The following GOLPH3 variants were observed in gnomAD, a reference collection of about 807,000 sequenced individuals.
GOLPH3 encodes golgi phosphoprotein 3.
In GOLPH3, 14 loss-of-function variants were observed where a neutral mutation model predicts 28.5. That is an observed-to-expected ratio of 0.49 (90% CI 0.32 to 0.77). GOLPH3 has a LOEUF of 0.77. Among genes scored for constraint, GOLPH3 ranks in the 30% least tolerant of loss-of-function variants. GOLPH3 has a pLI of 0.03. For synonymous variants in GOLPH3, 158 were observed against 159.2 expected (o/e 0.99, Z 0.06); for missense variants, 350 against 393.7 (o/e 0.89, Z 0.94).
At chr5:32,143,299 G>A (rs1013183437) in intron 2 of GOLPH3, among the ~76,000 whole-genome samples, 2 of 151,126 alleles carry the variant, frequency 1.3e-5, no homozygotes, top group Admixed American at 6.6e-5. Context: ...AAGTACCCAG[G>A]GACACAAACA....
intron 1 of GOLPH3, among the ~76,000 whole-genome samples, chr5:32,151,810 G>C (rs1358856974): frequency 6.6e-6 from 1 of 152,160 alleles, no homozygotes; most frequent in Non-Finnish European, 1.5e-5. Context: ...CTGATACATA[G>C]CTACAAAACA....
intron 1 of GOLPH3, among the ~76,000 whole-genome samples, chr5:32,173,110 G>T (rs1404529113): frequency 6.6e-6 from 1 of 151,932 alleles, no homozygotes; most frequent in Non-Finnish European, 1.5e-5. Context: ...TCAAGCACTC[G>T]ATGAAAAAGC....
At chr5:32,156,413 G>A (rs1746427613) in intron 1 of GOLPH3, among the ~76,000 whole-genome samples, 1 of 151,832 alleles carries the variant, frequency 6.6e-6, no homozygotes. Flanking sequence ...TGAGGCAAGA[G>A]AATCACTTGA....
intron 3 of GOLPH3, among the ~76,000 whole-genome samples, chr5:32,134,101 T>C (rs1287888769): frequency 6.6e-6 from 1 of 152,172 alleles, no homozygotes; most frequent in Non-Finnish European, 1.5e-5. Flanking sequence ...CTGAGCATGG[T>C]GATTCATGCT....
At chr5:32,156,685 A>ATTT (rs1445981607) in intron 1 of GOLPH3, among the ~76,000 whole-genome samples, 1 of 152,132 alleles carries the variant, frequency 6.6e-6, no homozygotes, top group Non-Finnish European at 1.5e-5. Flanking sequence ...TAAAATTCTC[A>ATTT]TAAGGATCGC....
rs191326194 is a variant in GOLPH3 at position 32,132,973 on chromosome 5, A to G, written c.472+2599T>C. Reference sequence around the variant, plus strand: ...TTATTCTGAAGCAGCAGCATTCCCAATGTATGTCAAGAGCAAGCAACTCAA... The same window carrying G: ...TTATTCTGAAGCAGCAGCATTCCCAGTGTATGTCAAGAGCAAGCAACTCAA... On this transcript the variant is annotated intron_variant, in intron 3 of 3. Coordinates refer to ENST00000265070, the MANE Select transcript of GOLPH3 (RefSeq NM_022130.4). Among the ~76,000 whole-genome samples the G allele has an allele frequency of 1.4e-4, 22 of 152,218 alleles. 1 individual carries two copies. The East Asian group carries it at 4.2e-3, about 29-fold the overall frequency.
rs538530066 is a variant in GOLPH3, at chr5:32,141,239, G to T, written c.357+2510C>A. Among the ~76,000 whole-genome samples, 254 of 150,818 alleles carry T rather than the reference G, an allele frequency of 1.7e-3. 1 individual carries two copies. The highest frequency in any genetic ancestry group is 6.1e-3 in the African/African-American group (249 of 41,040). ...TTATTCTCTATAGCTTATTAATCAA[G>T]ATGCATTCCGCTCTGATCTAAAACT... On this transcript the variant is annotated intron_variant, in intron 2 of 3. Transcript: ENST00000265070.
intron 2 of GOLPH3, among the ~76,000 whole-genome samples, chr5:32,141,098 G>A (rs1401738074): frequency 6.6e-6 from 1 of 150,886 alleles, no homozygotes; most frequent in Non-Finnish European, 1.5e-5. Flanking sequence ...GGGAAGCAGA[G>A]GTTGCAGTGA....
intron 3 of GOLPH3, among the ~76,000 whole-genome samples, chr5:32,127,460 C>T (rs753190313): frequency 6.6e-6 from 1 of 152,150 alleles, no homozygotes; most frequent in Non-Finnish European, 1.5e-5. Context: ...GTTGTAAGGT[C>T]GAGATTTTCT....
In GOLPH3 at chr5:32,167,736, A is replaced by G. The variant is rs545205207; in HGVS notation, c.225+6074T>C. ...GAGGCCAAGGCGGGAAGATTGCTTG[A>G]GGCCAGGAGTTCGAGACTAGGCAAC... On this transcript the variant is annotated intron_variant, in intron 1 of 3. Coordinates refer to ENST00000265070, the MANE Select transcript of GOLPH3 (RefSeq NM_022130.4). 5.4e-5 allele frequency among the ~76,000 whole-genome samples: 8 copies of G among 149,400 alleles called. No homozygotes were observed. The South Asian group carries it at 1.7e-3, about 32-fold the overall frequency.
chr5:32,143,375 T>C (rs1746124562), intron 2 of GOLPH3, among the ~76,000 whole-genome samples: 1 of 151,930 alleles, frequency 6.6e-6, no homozygotes, highest in Admixed American at 6.6e-5. Flanking sequence ...GTTTATCTGC[T>C]GACCTTCCCT....
intron 1 of GOLPH3, among the ~76,000 whole-genome samples, chr5:32,157,523 T>C (rs115613168): frequency 6.6e-6 from 1 of 152,184 alleles, no homozygotes; most frequent in African/African-American, 2.4e-5. Context: ...CCTAAACACA[T>C]CCATTGTTTC....
chr5:32,129,591 A>G (rs1383380334), intron 3 of GOLPH3, among the ~76,000 whole-genome samples: 1 of 152,354 alleles, frequency 6.6e-6, no homozygotes, highest in East Asian at 1.9e-4. Flanking sequence ...GAATAGGGCC[A>G]TAAGAACAAA....
At chr5:32,135,981 C>T (rs1334302835) in intron 2 of GOLPH3, among the ~76,000 whole-genome samples, 1 of 152,120 alleles carries the variant, frequency 6.6e-6, no homozygotes, top group Non-Finnish European at 1.5e-5. Context: ...TCGATACCAG[C>T]CCGGCCCACA....
intron 1 of GOLPH3, among the ~76,000 whole-genome samples, chr5:32,161,681 T>C (rs1746580542): frequency 6.6e-6 from 1 of 151,208 alleles, no homozygotes; most frequent in South Asian, 2.1e-4. Flanking sequence ...AAAAGAGGAA[T>C]CATGGAACCA....
At position 32,173,788 on chromosome 5, in the gene GOLPH3, G is replaced by T. The variant is rs760848221; in HGVS notation, c.225+22C>A. The T allele has an allele frequency of 4.3e-5, 57 of 1,333,728 alleles. No individual in the cohort carries two copies. The African/African-American group carries it at 8.0e-4, about 19-fold the overall frequency. The allele number at this position is 1,333,728 out of a possible 1,614,324, so 82.6% of individuals were successfully genotyped here. A position where few individuals can be genotyped will look rare whatever the true frequency, so the allele number is the denominator to read the frequency against. Reference sequence around the variant, plus strand: ...CCCGGGCCCCGCGCCGCCGCCCCCCGCCCAGCCCGCCGCGCCCGCACCTCG... The same window carrying T: ...CCCGGGCCCCGCGCCGCCGCCCCCCTCCCAGCCCGCCGCGCCCGCACCTCG... On this transcript the variant is annotated intron_variant, in intron 1 of 3. Coordinates refer to ENST00000265070, the MANE Select transcript of GOLPH3 (RefSeq NM_022130.4).
At chr5:32,152,786 AAAAAACAAAAAC>A (rs945851790) in intron 1 of GOLPH3, among the ~76,000 whole-genome samples, 1 of 151,894 alleles carries the variant, frequency 6.6e-6, no homozygotes, top group African/African-American at 2.4e-5. Context: ...AGTCTCAAAA[AAAAAACAAAAAC>A]AAAAACAAAA....
chr5:32,167,290 G>A (rs568061174), intron 1 of GOLPH3, among the ~76,000 whole-genome samples: 171 of 152,184 alleles, frequency 1.1e-3, no homozygotes, highest in Non-Finnish European at 2.0e-3. Context: ...TCCTGCCTCA[G>A]CCTCCCGAGT....
At chr5:32,150,644 T>C (rs1746284119) in intron 1 of GOLPH3, among the ~76,000 whole-genome samples, 1 of 152,124 alleles carries the variant, frequency 6.6e-6, no homozygotes, top group Non-Finnish European at 1.5e-5. Flanking sequence ...TTATCCAAAA[T>C]GCTTGTGACT....
Sources: gnomAD v4.1 joint callset for allele counts (sites outside exome capture counted in the v4.1 genomes callset) on GRCh38, gnomAD v4.1.1 for gene constraint, MANE v1.5 for transcripts, NCBI Gene and HGNC (gene_info 2026-07-23, HGNC 2026-07-21) for gene names.